The following LHX4 variants were observed in gnomAD, a reference collection of about 807,000 sequenced individuals.
LHX4 encodes LIM homeobox 4.
In LHX4, 16 loss-of-function variants were observed where a neutral mutation model predicts 39.2. The observed-to-expected ratio is 0.41, with a 90% confidence interval of 0.28 to 0.62. LHX4 has a LOEUF of 0.62. Ranked by LOEUF, LHX4 falls within the 20% of genes least tolerant of loss-of-function variation. The pLI is 0.33. For synonymous variants in LHX4, 206 were observed against 198.1 expected, an observed-to-expected ratio of 1.04 and a Z score of -0.33; for missense variants, 439 against 511.9, an observed-to-expected ratio of 0.86 and a Z score of 1.37.
At chr1:180,230,007 G>A (rs989563530), upstream of LHX4, among the ~76,000 whole-genome samples, 6 of 126,410 alleles carry the variant, frequency 4.7e-5, no homozygotes, top group African/African-American at 2.1e-4. The surrounding 1 kb of genome is among the most constrained non-coding windows in gnomAD (Gnocchi z 5.8). Flanking sequence ...CCCGCTCCCT[G>A]CCGCCCCGCC....
At chr1:180,271,256 G>A (rs1210891718) in intron 3 of LHX4, 124 bp from the exon 4 acceptor site, 9 of 1,052,732 alleles carry the variant, frequency 8.5e-6, no homozygotes, top group Non-Finnish European at 1.2e-5. Flanking sequence ...TGTCCCCTGT[G>A]CCTCGCGCTG....
intron 2 of LHX4, among the ~76,000 whole-genome samples, chr1:180,253,943 T>C (rs927352420): frequency 2.6e-5 from 4 of 152,116 alleles, no homozygotes; most frequent in African/African-American, 7.2e-5. Context: ...CTGTGGTCCA[T>C]GGGAGAAACC....
rs1265416697 is a variant in LHX4, at chr1:180,232,687, A to C, written c.76+2082A>C. ...GATCCAGCTTTTATTTCCTCTTGGA[A>C]TGTGAATGGATTGTAGCCTCCCTTG... On this transcript the variant is annotated intron_variant, in intron 1 of 5. Transcript: ENST00000263726. This position sits in a 1 kb window ranked among gnomAD's most constrained non-coding sequence, Gnocchi z 5.4. Among the ~76,000 whole-genome samples, 1 of 152,238 alleles carries C rather than the reference A, an allele frequency of 6.6e-6. No homozygotes were observed. Among genetic ancestry groups the C allele is most frequent in the Non-Finnish European group, 1.5e-5 (1 of 68,038 alleles).
chr1:180,237,389 C>G (rs1434810198), intron 1 of LHX4, among the ~76,000 whole-genome samples: 3 of 152,152 alleles, frequency 2.0e-5, no homozygotes, highest in African/African-American at 7.2e-5. Flanking sequence ...AATTAGATGC[C>G]ACTGTGAGGT....
At chr1:180,271,798 A>G (rs1253880837) in intron 4 of LHX4, 37 bp from the exon 5 acceptor site, 3 of 1,612,374 alleles carry the variant, frequency 1.9e-6, no homozygotes, top group Non-Finnish European at 2.5e-6. Flanking sequence ...TTTGTGGTGG[A>G]CGCCCCCTGA....
intron 1 of LHX4, among the ~76,000 whole-genome samples, chr1:180,240,664 A>G (rs1284563831): frequency 6.6e-6 from 1 of 152,240 alleles, no homozygotes; most frequent in African/African-American, 2.4e-5. Flanking sequence ...GGAAATGAAG[A>G]AACGTGAGTG....
At chr1:180,229,878 C>T (rs948138823), upstream of LHX4, among the ~76,000 whole-genome samples, 1 of 151,068 alleles carries the variant, frequency 6.6e-6, no homozygotes, top group Non-Finnish European at 1.5e-5. Context: ...TCTCCGACCA[C>T]CTGCTGCCGC....
chr1:180,266,635 T>C lies in LHX4; in HGVS notation c.451+41T>C. Reference sequence around the variant, plus strand: ...CCGCATGGTCCCCTCTCCAGGCCTTTGTTTGGGCCACGCCCTCTGCCTGAG... The same window carrying C: ...CCGCATGGTCCCCTCTCCAGGCCTTCGTTTGGGCCACGCCCTCTGCCTGAG... On this transcript the variant is annotated intron_variant, in intron 3 of 5. Transcript: ENST00000263726. This position sits in a 1 kb window ranked among gnomAD's most constrained non-coding sequence, Gnocchi z 5.7. 2 of 1,594,334 alleles carry C rather than the reference T, an allele frequency of 1.3e-6. No homozygotes were observed. Among genetic ancestry groups the C allele is most frequent in the South Asian group, 2.2e-5 (2 of 89,586 alleles).
At chr1:180,256,420 C>T (rs1203555818) in intron 2 of LHX4, among the ~76,000 whole-genome samples, 6 of 152,182 alleles carry the variant, frequency 3.9e-5, no homozygotes, top group African/African-American at 1.2e-4. Context: ...TGAGAAGCCA[C>T]GAGCTTCTCC....
intron 1 of LHX4, among the ~76,000 whole-genome samples, chr1:180,236,825 C>T (rs995552642): frequency 3.9e-5 from 6 of 152,126 alleles, no homozygotes; most frequent in African/African-American, 1.2e-4. Context: ...GTAATATTAC[C>T]CACTTTGAGA....
rs1191067225 is a variant in LHX4 at position 180,266,614 on chromosome 1, A to G, written c.451+20A>G. The G allele has an allele frequency of 4.3e-6, 7 of 1,611,702 alleles. No individual in the cohort carries two copies. Among genetic ancestry groups the G allele is most frequent in the Middle Eastern group, 1.7e-4 (1 of 6,054 alleles). On this transcript the variant is annotated intron_variant, in intron 3 of 5. Transcript: ENST00000263726. This position sits in a 1 kb window ranked among gnomAD's most constrained non-coding sequence, Gnocchi z 5.7. ...AGAACGGTAAGCAGCATGGCCCCGC[A>G]TGGTCCCCTCTCCAGGCCTTTGTTT...
intron 1 of LHX4, among the ~76,000 whole-genome samples, chr1:180,237,999 C>T (rs1435231166): frequency 2.0e-5 from 3 of 152,148 alleles, no homozygotes; most frequent in African/African-American, 7.2e-5. Flanking sequence ...GTTTTATTTG[C>T]AATTACTGAG....
Position 180,260,838 on chromosome 1 carries a change from A to T in LHX4, c.249-5554A>T, listed in dbSNP as rs537272917. ...GTTTGCTGCCCTTGAAGCCCGCCGCATGTCCGCTGTGTTGTGTCAGAAGCA... is the reference window on the plus strand; with the variant it reads ...GTTTGCTGCCCTTGAAGCCCGCCGCTTGTCCGCTGTGTTGTGTCAGAAGCA... On this transcript the variant is annotated intron_variant, in intron 2 of 5. Coordinates refer to ENST00000263726, the MANE Select transcript of LHX4 (RefSeq NM_033343.4). 2.0e-5 allele frequency among the ~76,000 whole-genome samples: 3 copies of T among 151,828 alleles called. No homozygotes were observed. In the East Asian group the frequency reaches 5.8e-4, roughly 29 times the overall value.
chr1:180,230,250 A>C, upstream of LHX4: 89 of 392,506 alleles, frequency 2.3e-4, no homozygotes, highest in East Asian at 4.3e-4. The surrounding 1 kb of genome is among the most constrained non-coding windows in gnomAD (Gnocchi z 5.8). Context: ...GGGGGAGGGA[A>C]GAGGAAAAAA....
Position 180,266,363 on chromosome 1 carries a change from G to C in LHX4, c.249-29G>C, listed in dbSNP as rs1468401081. ...AAGCCAGATCCCTTGCTCCCTGTGTGCCCTAATCCTTTCCTGCTGCCCTGA... is the reference window on the plus strand; with the variant it reads ...AAGCCAGATCCCTTGCTCCCTGTGTCCCCTAATCCTTTCCTGCTGCCCTGA... On this transcript the variant is annotated intron_variant, in intron 2 of 5. Coordinates refer to ENST00000263726, the MANE Select transcript of LHX4 (RefSeq NM_033343.4). This position sits in a 1 kb window ranked among gnomAD's most constrained non-coding sequence, Gnocchi z 5.7. The C allele has an allele frequency of 6.2e-7, 1 of 1,612,080 alleles. No homozygotes were observed. Among genetic ancestry groups the C allele is most frequent in the African/African-American group, 1.3e-5 (1 of 74,854 alleles).
At chr1:180,243,111 C>A (rs1168176587) in intron 1 of LHX4, among the ~76,000 whole-genome samples, 1 of 152,126 alleles carries the variant, frequency 6.6e-6, no homozygotes, top group African/African-American at 2.4e-5. Flanking sequence ...GCCTCAGCCT[C>A]CTGGGTAGCT....
At chr1:180,255,760 C>G (rs990154456) in intron 2 of LHX4, among the ~76,000 whole-genome samples, 1 of 152,246 alleles carries the variant, frequency 6.6e-6, no homozygotes, top group East Asian at 1.9e-4. Context: ...AGTTCAGCTG[C>G]AGTCGCCTGG....
At chr1:180,267,516 TCTCA>T (rs1489881794) in intron 3 of LHX4, among the ~76,000 whole-genome samples, 1 of 152,232 alleles carries the variant, frequency 6.6e-6, no homozygotes, top group African/African-American at 2.4e-5. Context: ...ACCTCTGGCT[TCTCA>T]CTCCCAGATG....
intron 4 of LHX4, 48 bp downstream of exon 4, chr1:180,271,582 CAG>C (rs1160261500): frequency 6.2e-7 from 1 of 1,606,924 alleles, no homozygotes; most frequent in Non-Finnish European, 8.5e-7. Context: ...AGGCCCGGGA[CAG>C]GGGTGGAAGG....
Sources: allele counts gnomAD v4.1 joint callset (sites outside exome capture counted in the v4.1 genomes callset), GRCh38; gene constraint gnomAD v4.1.1; non-coding constraint Gnocchi (gnomAD v3.1); transcripts MANE v1.5; gene names NCBI Gene and HGNC (gene_info 2026-07-23, HGNC 2026-07-21).